The following BCL11B variants were observed in gnomAD, a reference collection of about 807,000 sequenced individuals.
BCL11B encodes the protein B-cell lymphoma/leukemia 11B.
Under a neutral mutation model 49.9 loss-of-function variants are expected in BCL11B, and 8 were observed. That is an observed-to-expected ratio of 0.16 (90% CI 0.09 to 0.29). BCL11B has a LOEUF of 0.29. Among genes scored for constraint, BCL11B ranks in the 10% least tolerant of loss-of-function variants. The pLI, the probability that BCL11B is intolerant of heterozygous loss-of-function variation, is 1.00. For missense variants in BCL11B, 1,006 were observed against 1,351.0 expected (o/e 0.74, Z 4.00); for synonymous variants, 739 against 637.4 (o/e 1.16, Z -2.40).
Position 99,213,423 on chromosome 14 carries a change from A to G in BCL11B, c.640+17922T>C, listed in dbSNP as rs1210350435. ...AACATGAATGCGACGTTTCCCCTCC[A>G]AAAATTCGAGGAACACCAAAATGAC... On this transcript the variant is annotated intron_variant, in intron 3 of 3. Transcript: ENST00000357195. This position sits in a 1 kb window ranked among gnomAD's most constrained non-coding sequence, Gnocchi z 5.1. Among the ~76,000 whole-genome samples the G allele has an allele frequency of 6.6e-6, 1 of 152,192 alleles. No individual in the cohort carries two copies.
chr14:99,229,454 C>T (rs1173679349), intron 3 of BCL11B, among the ~76,000 whole-genome samples: 2 of 152,128 alleles, frequency 1.3e-5, no homozygotes, highest in African/African-American at 2.4e-5. Flanking sequence ...GAGGGGTGGC[C>T]TTTCAGGAGG....
rs745818255 is a variant in BCL11B, at chr14:99,171,056, G to A, written c.*3095C>T. The A allele has an allele frequency of 8.7e-6, 2 of 230,722 alleles. No individual in the cohort carries two copies. Among genetic ancestry groups the A allele is most frequent in the Non-Finnish European group, 1.7e-5 (2 of 116,296 alleles). 14.3% of individuals were successfully genotyped at this position (230,722 alleles called of 1,614,324 possible). A position where few individuals can be genotyped will look rare whatever the true frequency, so the allele number is the denominator to read the frequency against. On this transcript the variant is annotated 3_prime_UTR_variant, in exon 4 of 4. Transcript: ENST00000357195. The stretch of plus-strand genomic sequence containing the variant: ...AGAGATGGCCTCTTAGAGAAAGGGA[G>A]GACGATGTGGAATGTTACTGACATC...
chr14:99,220,323 C>G (rs552170405), intron 3 of BCL11B, among the ~76,000 whole-genome samples: 3 of 152,150 alleles, frequency 2.0e-5, no homozygotes, highest in Non-Finnish European at 4.4e-5. Context: ...TTCACAATAG[C>G]CAAAAGCAGC....
chr14:99,175,176 A>G lies in BCL11B; in HGVS notation c.1660T>C (p.Ser554Pro). Reference protein sequence around the residue: ...LLLENESRPESSFSMDSELSR... With the variant: ...LLLENESRPEPSFSMDSELSR... ...AGCTCCGAGTCCATGCTGAAGCTCGACTCGGGCCGGCTCTCGTTCTCCAGT... is the reference window on the plus strand; with the variant it reads ...AGCTCCGAGTCCATGCTGAAGCTCGGCTCGGGCCGGCTCTCGTTCTCCAGT... Residue 554 changes from serine (S) to proline (P), a missense_variant, in exon 4 of 4, where the codon TCG becomes CCG. Ser to Pro is a moderately conservative substitution (Grantham distance 74). Coordinates refer to ENST00000357195, the MANE Select transcript of BCL11B (RefSeq NM_138576.4). 6.3e-7 allele frequency: 1 copy of G among 1,579,056 alleles called. No homozygotes were observed. Among genetic ancestry groups the G allele is most frequent in the Non-Finnish European group, 8.6e-7 (1 of 1,165,144 alleles).
chr14:99,179,249 G>A (rs1315147122), intron 3 of BCL11B, among the ~76,000 whole-genome samples: 11 of 152,026 alleles, frequency 7.2e-5, no homozygotes, highest in Non-Finnish European at 8.8e-5. Flanking sequence ...CGAAGCGGGC[G>A]GATCACTTGA....
intron 1 of BCL11B, among the ~76,000 whole-genome samples, chr14:99,270,063 A>C (rs975099136): frequency 6.6e-6 from 1 of 151,706 alleles, no homozygotes; most frequent in Admixed American, 6.6e-5. Context: ...GTTCCCCTGC[A>C]AACACCGTAC....
At position 99,175,372 on chromosome 14, in the gene BCL11B, G is replaced by T; in HGVS notation, c.1464C>A (p.Ser488=). Reference sequence around the variant, plus strand: ...AGCTGGCGGCCGAGAGCCCGTCGTCGGAGCGGCCGGCCAGCGAGCCGGCCT... The same window carrying T: ...AGCTGGCGGCCGAGAGCCCGTCGTCTGAGCGGCCGGCCAGCGAGCCGGCCT... ...MHKAGSLAGR[S]DDGLSAASSP... is the part of the protein sequence containing the mutation. Residue 488 remains serine (S), a synonymous_variant, in exon 4 of 4, where the codon TCC becomes TCA. Transcript: ENST00000357195. 2 of 1,585,528 alleles carry T rather than the reference G, an allele frequency of 1.3e-6. No homozygotes were observed.
intron 2 of BCL11B, among the ~76,000 whole-genome samples, chr14:99,250,069 T>C (rs1313789025): frequency 6.8e-6 from 1 of 147,164 alleles, no homozygotes; most frequent in Non-Finnish European, 1.5e-5. Flanking sequence ...GGAATCTCCT[T>C]CTGTCGCCCA....
intron 3 of BCL11B, among the ~76,000 whole-genome samples, chr14:99,220,385 T>C (rs1476283492): frequency 1.3e-5 from 2 of 152,190 alleles, no homozygotes; most frequent in African/African-American, 4.8e-5. Flanking sequence ...TCTATCCATA[T>C]GATAGAATAT....
intron 3 of BCL11B, among the ~76,000 whole-genome samples, chr14:99,199,522 C>T (rs1465290729): frequency 2.0e-5 from 3 of 152,058 alleles, no homozygotes; most frequent in Non-Finnish European, 4.4e-5. Context: ...CTGATTGGAG[C>T]GCTCTCGACT....
At chr14:99,217,060 TTA>T (rs1887861006) in intron 3 of BCL11B, among the ~76,000 whole-genome samples, 1 of 151,960 alleles carries the variant, frequency 6.6e-6, no homozygotes, top group Non-Finnish European at 1.5e-5. Context: ...ATATATACAC[TTA>T]GTCATGTACA....
intron 3 of BCL11B, among the ~76,000 whole-genome samples, chr14:99,214,852 T>A (rs1887786713): frequency 6.6e-6 from 1 of 151,344 alleles, no homozygotes; most frequent in Non-Finnish European, 1.5e-5. Context: ...AGGGGAGGGG[T>A]CACAGGGGCC....
rs576839624 is a variant in BCL11B, at chr14:99,175,857, G to C, written c.979C>G (p.Pro327Ala). The C allele has an allele frequency of 4.1e-6, 6 of 1,478,416 alleles. No individual in the cohort carries two copies. The African/African-American group carries it at 7.4e-5, about 18-fold the overall frequency. The allele number at this position is 1,478,416 out of a possible 1,614,324, so 91.6% of individuals were successfully genotyped here. A position where few individuals can be genotyped will look rare whatever the true frequency, so the allele number is the denominator to read the frequency against. The part of the protein sequence containing the change: ...FSPPPRHHLD[P>A]HRLSAEEMGL... ...ATCTCCTCGGCACTGAGGCGGTGCG[G>C]GTCCAGGTGGTGGCGCGGCGGGGGA... Residue 327 changes from proline to alanine, a missense_variant, in exon 4 of 4, where the codon CCG becomes GCG. Around this residue, in one of 6 missense-constraint regions of BCL11B, gnomAD observed 411 missense variants for 542.2 expected, o/e 0.76. Coordinates refer to ENST00000357195, the MANE Select transcript of BCL11B (RefSeq NM_138576.4).
chr14:99,259,144 G>A (rs1488579722), intron 1 of BCL11B, among the ~76,000 whole-genome samples: 2 of 152,164 alleles, frequency 1.3e-5, no homozygotes, highest in African/African-American at 4.8e-5. Flanking sequence ...GGTCTTCAGG[G>A]AAGCCAGAGG....
intron 2 of BCL11B, among the ~76,000 whole-genome samples, chr14:99,234,963 A>G (rs967379183): frequency 6.6e-6 from 1 of 150,976 alleles, no homozygotes; most frequent in African/African-American, 2.4e-5. Context: ...TGATGCCTTC[A>G]TGGGTTTAAG....
chr14:99,193,866 G>A (rs953095252), intron 3 of BCL11B, among the ~76,000 whole-genome samples: 8 of 152,072 alleles, frequency 5.3e-5, no homozygotes, highest in African/African-American at 1.9e-4. Context: ...TCTAAAATGC[G>A]TTTGTAGACT....
chr14:99,248,783 T>C lies in BCL11B; in HGVS notation c.427+8688A>G, dbSNP rs1273250434. Among the ~76,000 whole-genome samples the C allele has an allele frequency of 6.6e-6, 1 of 152,150 alleles. No individual in the cohort carries two copies. The highest frequency in any genetic ancestry group is 1.5e-5 in the Non-Finnish European group (1 of 68,026). On this transcript the variant is annotated intron_variant, in intron 2 of 3. Transcript: ENST00000357195. This position sits in a 1 kb window ranked among gnomAD's most constrained non-coding sequence, Gnocchi z 4.7. ...GAATTGAGGTGGGAAATGCACGACC[T>C]TCTGCCTGGCTCTTGCAGCTGTTAG...
At position 99,255,405 on chromosome 14, in the gene BCL11B, G is replaced by GAAAAAAAAAAA. The variant is rs67440207; in HGVS notation, c.427+2055_427+2065dup. ...TAGGCTGCTGCAGTATCACAACCTG[G>GAAAAAAAAAAA]AAAAAAAAAAAAAAAAAAAAAAAAA... On this transcript the variant is annotated intron_variant, in intron 2 of 3. Coordinates refer to ENST00000357195, the MANE Select transcript of BCL11B (RefSeq NM_138576.4). Among the ~76,000 whole-genome samples the GAAAAAAAAAAA allele has an allele frequency of 6.1e-5, 4 of 65,168 alleles. No homozygotes were observed. The East Asian group carries it at 1.6e-3, about 26-fold the overall frequency. The allele number at this position is 65,168 out of a possible 152,430, so 42.8% of individuals were successfully genotyped here. A position where few individuals can be genotyped will look rare whatever the true frequency, so the allele number is the denominator to read the frequency against.
At chr14:99,220,241 G>C (rs576495233) in intron 3 of BCL11B, among the ~76,000 whole-genome samples, 1 of 152,116 alleles carries the variant, frequency 6.6e-6, no homozygotes, top group African/African-American at 2.4e-5. Flanking sequence ...CTCCACTTCC[G>C]CAGAAACTCC....
Sources: gnomAD v4.1 joint callset for allele counts (sites outside exome capture counted in the v4.1 genomes callset) on GRCh38, gnomAD v4.1.1 for gene constraint, gnomAD v4.1.1 regional missense constraint, Gnocchi (gnomAD v3.1) non-coding constraint, MANE v1.5 for transcripts, NCBI Gene and HGNC (gene_info 2026-07-23, HGNC 2026-07-21) for gene names.